Variants in RHOJ observed in about 807,000 individuals in gnomAD.
The protein encoded by RHOJ is rho-related GTP-binding protein RhoJ.
Under a neutral mutation model 23.4 loss-of-function variants are expected in RHOJ, and 11 were observed. The observed-to-expected ratio is 0.47, with a 90% confidence interval of 0.30 to 0.78. The LOEUF is 0.78. Ranked by LOEUF, RHOJ falls within the 30% of genes least tolerant of loss-of-function variation. The pLI is 0.08. For synonymous variants in RHOJ, 102 were observed against 102.7 expected (o/e 0.99, Z 0.04); for missense variants, 254 against 273.4 (o/e 0.93, Z 0.50).
intron 1 of RHOJ, among the ~76,000 whole-genome samples, chr14:63,212,887 G>A (rs1894269250): frequency 6.6e-6 from 1 of 152,216 alleles, no homozygotes; most frequent in African/African-American, 2.4e-5. Flanking sequence ...TCAGTGGGAA[G>A]TAGCTTTACC....
intron 1 of RHOJ, among the ~76,000 whole-genome samples, chr14:63,238,046 G>T (rs1321341204): frequency 6.6e-6 from 1 of 152,090 alleles, no homozygotes; most frequent in African/African-American, 2.4e-5. Flanking sequence ...TCATCCCTTG[G>T]CCTTGATTTC....
chr14:63,217,238 TC>T (rs1474946360), intron 1 of RHOJ, among the ~76,000 whole-genome samples: 1 of 94,560 alleles, frequency 1.1e-5, no homozygotes, highest in Admixed American at 1.5e-4. Flanking sequence ...CCCTCCCCGC[TC>T]CCCCCACCCC....
intron 1 of RHOJ, among the ~76,000 whole-genome samples, chr14:63,241,327 G>A (rs1435355044): frequency 6.6e-6 from 1 of 152,084 alleles, no homozygotes; most frequent in East Asian, 1.9e-4. Flanking sequence ...GTCTTCCATA[G>A]AGCCATAAAT....
chr14:63,288,199 T>C, intron 4 of RHOJ: 2 of 985,426 alleles, frequency 2.0e-6, no homozygotes, highest in Middle Eastern at 5.2e-4. Context: ...AATGTCTGAA[T>C]TGGAAGAGAC....
chr14:63,245,694 C>T (rs868110756), intron 1 of RHOJ, among the ~76,000 whole-genome samples: 1 of 152,072 alleles, frequency 6.6e-6, no homozygotes, highest in African/African-American at 2.4e-5. Flanking sequence ...TATAACTGTA[C>T]AAATCTGATC....
At chr14:63,275,802 G>T (rs112442282) in intron 2 of RHOJ, among the ~76,000 whole-genome samples, 3,430 of 152,172 alleles carry the variant, frequency 0.023, 142 homozygotes, top group African/African-American at 0.078. Flanking sequence ...TCTCGTAGCC[G>T]CTTGACATCA....
chr14:63,269,290 T>G, intron 2 of RHOJ, 122 bp downstream of exon 2: 1 of 634,582 alleles, frequency 1.6e-6, no homozygotes, highest in Middle Eastern at 2.6e-4. Context: ...TGGGGCCAAT[T>G]TATTGTCTGC....
At chr14:63,205,168 G>C in intron 1 of RHOJ, 121 bp downstream of exon 1, 1 of 1,051,262 alleles carries the variant, frequency 9.5e-7, no homozygotes, top group Non-Finnish European at 1.4e-6. Context: ...GCAGTAACCA[G>C]GGAGCTTAGC....
chr14:63,222,247 C>T (rs1469103417), intron 1 of RHOJ, among the ~76,000 whole-genome samples: 1 of 151,920 alleles, frequency 6.6e-6, no homozygotes, highest in African/African-American at 2.4e-5. Flanking sequence ...GGGTTGGTTC[C>T]AAGTCTTTGC....
chr14:63,258,366 G>A (rs1202248017), intron 1 of RHOJ, among the ~76,000 whole-genome samples: 3 of 151,892 alleles, frequency 2.0e-5, no homozygotes, highest in African/African-American at 7.3e-5. Flanking sequence ...ACTTTACGCA[G>A]CTGAGCATCT....
At position 63,240,234 on chromosome 14, in the gene RHOJ, T is replaced by C. The variant is rs561201248; in HGVS notation, c.179-28876T>C. On this transcript the variant is annotated intron_variant, in intron 1 of 4. Transcript: ENST00000316754. ...AATAAGAGTATGTAAATATACTTTCTTTCTGGAATAGCCTAAGTGTAGTTG... is the reference window on the plus strand; with the variant it reads ...AATAAGAGTATGTAAATATACTTTCCTTCTGGAATAGCCTAAGTGTAGTTG... Among the ~76,000 whole-genome samples the C allele has an allele frequency of 2.6e-5, 4 of 152,326 alleles. No homozygotes were observed. In the East Asian group the frequency reaches 7.7e-4, roughly 29 times the overall value.
chr14:63,290,072 G>A (rs1473195169), intron 4 of RHOJ, among the ~76,000 whole-genome samples: 6 of 151,844 alleles, frequency 4.0e-5, no homozygotes, highest in African/African-American at 1.2e-4. Context: ...GGAAAACCCC[G>A]TCTCTACTAA....
intron 1 of RHOJ, among the ~76,000 whole-genome samples, chr14:63,257,687 C>A (rs1423841739): frequency 6.7e-6 from 1 of 149,204 alleles, no homozygotes; most frequent in African/African-American, 2.5e-5. Context: ...TTCTCCCCTG[C>A]AAATATGACT....
In RHOJ at chr14:63,258,100, C is replaced by T. The variant is rs938686417; in HGVS notation, c.179-11010C>T. On this transcript the variant is annotated intron_variant, in intron 1 of 4. Transcript: ENST00000316754. ...AAAATAAGCCAGGCTCAGTGGCGGGCGCCTGTCATCCCAGCTACTCAGGAG... is the reference window on the plus strand; with the variant it reads ...AAAATAAGCCAGGCTCAGTGGCGGGTGCCTGTCATCCCAGCTACTCAGGAG... Among the ~76,000 whole-genome samples the T allele has an allele frequency of 4.7e-5, 7 of 149,268 alleles. No homozygotes were observed. In the South Asian group the frequency reaches 6.3e-4, roughly 13 times the overall value.
rs1895236109 is a variant in RHOJ at position 63,259,464 on chromosome 14, C to T, written c.179-9646C>T. Among the ~76,000 whole-genome samples the T allele has an allele frequency of 2.6e-5, 4 of 152,184 alleles. 1 individual carries two copies. The South Asian group carries it at 8.3e-4, about 32-fold the overall frequency. ...CTTAAGAGGAGTAGCTAGCCATGCACTTTATGTTGCTGATAAGCATCCCAA... is the reference window on the plus strand; with the variant it reads ...CTTAAGAGGAGTAGCTAGCCATGCATTTTATGTTGCTGATAAGCATCCCAA... On this transcript the variant is annotated intron_variant, in intron 1 of 4. Transcript: ENST00000316754.
At chr14:63,250,421 T>C (rs892208819) in intron 1 of RHOJ, among the ~76,000 whole-genome samples, 1 of 152,084 alleles carries the variant, frequency 6.6e-6, no homozygotes, top group African/African-American at 2.4e-5. Context: ...GTAATTTTTG[T>C]AGAGATAGGG....
At chr14:63,290,116 G>T (rs760712075) in intron 4 of RHOJ, among the ~76,000 whole-genome samples, 1 of 152,060 alleles carries the variant, frequency 6.6e-6, no homozygotes, top group Non-Finnish European at 1.5e-5. Flanking sequence ...GGTGGCACAC[G>T]CCTGTAATCC....
intron 4 of RHOJ, among the ~76,000 whole-genome samples, chr14:63,290,399 C>T (rs1882209454): frequency 6.6e-6 from 1 of 152,146 alleles, no homozygotes; most frequent in Non-Finnish European, 1.5e-5. Context: ...CAAGCTGACA[C>T]TTTGCCTTTT....
intron 1 of RHOJ, among the ~76,000 whole-genome samples, chr14:63,263,104 C>A (rs1895301506): frequency 1.3e-5 from 2 of 152,260 alleles, no homozygotes; most frequent in Non-Finnish European, 1.5e-5. Flanking sequence ...CAAGTACTTT[C>A]TTTGGTAGGT....
Sources: gnomAD v4.1 joint callset for allele counts (sites outside exome capture counted in the v4.1 genomes callset) on GRCh38, gnomAD v4.1.1 for gene constraint, MANE v1.5 for transcripts, NCBI Gene and HGNC (gene_info 2026-07-23, HGNC 2026-07-21) for gene names.